PTPRD: variants seen among roughly 807,000 people sequenced by gnomAD.
PTPRD encodes receptor-type tyrosine-protein phosphatase delta.
In PTPRD, 34 loss-of-function variants were observed where a neutral mutation model predicts 214.5. The ratio of observed to expected loss-of-function variants is 0.16; its 90% confidence interval spans 0.12 to 0.21. The LOEUF (loss-of-function observed/expected upper bound fraction) is 0.21. PTPRD is among the 10% of genes least tolerant of loss of function. The probability of loss-of-function intolerance (pLI) is 1.00; values close to 1 mark genes in which losing one functional copy is unlikely to be tolerated. For synonymous variants in PTPRD, 1,128 were observed against 845.7 expected (o/e 1.33, Z -5.79); for missense variants, 2,545 against 2,398.7 (o/e 1.06, Z -1.27).
intron 3 of PTPRD, among the ~76,000 whole-genome samples, chr9:10,189,565 A>G (rs965522589): frequency 6.6e-6 from 1 of 152,160 alleles, no homozygotes; most frequent in Non-Finnish European, 1.5e-5. Context: ...CACTTTTAAA[A>G]GGAAGTGTGC....
intron 2 of PTPRD, among the ~76,000 whole-genome samples, chr9:10,496,621 T>A (rs564631538): frequency 4.9e-5 from 1 of 20,380 alleles, no homozygotes; most frequent in Admixed American, 5.4e-4. Context: ...ACATCTGTTC[T>A]TTTTTGACTT....
chr9:10,508,023 T>A (rs546917764), intron 2 of PTPRD, among the ~76,000 whole-genome samples: 5 of 151,810 alleles, frequency 3.3e-5, no homozygotes, highest in African/African-American at 9.7e-5. Context: ...ACCTACAGAA[T>A]GGGAGAAAAT....
At chr9:9,794,473 T>C (rs1598034348) in intron 5 of PTPRD, among the ~76,000 whole-genome samples, 1 of 151,774 alleles carries the variant, frequency 6.6e-6, no homozygotes, top group Non-Finnish European at 1.5e-5. Context: ...TGTATCAATG[T>C]GGCTAGAGCA....
chr9:9,707,556 A>AT, intron 7 of PTPRD, among the ~76,000 whole-genome samples: 1 of 152,242 alleles, frequency 6.6e-6, no homozygotes, highest in South Asian at 2.1e-4. Flanking sequence ...TTATTGTTTA[A>AT]TTTTACATTA....
chr9:9,715,634 A>C (rs1377680894), intron 7 of PTPRD, among the ~76,000 whole-genome samples: 1 of 152,192 alleles, frequency 6.6e-6, no homozygotes, highest in Non-Finnish European at 1.5e-5. Context: ...TAGAATCTAG[A>C]TAGAGATACT....
chr9:8,525,256 C>A (rs2073793612), intron 17 of PTPRD: 1 of 666,524 alleles, frequency 1.5e-6, no homozygotes, highest in Non-Finnish European at 2.7e-6. Flanking sequence ...CATTAGAAAT[C>A]AATATCTCTT....
intron 4 of PTPRD, among the ~76,000 whole-genome samples, chr9:9,965,722 T>A (rs117321491): frequency 6.6e-6 from 1 of 152,110 alleles, no homozygotes; most frequent in African/African-American, 2.4e-5. Flanking sequence ...GTTGGGTAAG[T>A]GTTGTAAGCC....
At chr9:9,152,236 C>T (rs1453300210) in intron 10 of PTPRD, among the ~76,000 whole-genome samples, 1 of 152,168 alleles carries the variant, frequency 6.6e-6, no homozygotes, top group African/African-American at 2.4e-5. Flanking sequence ...TGGCATTTTT[C>T]ATAGGCATCT....
At chr9:9,658,800 A>ACCC (rs2096569977) in intron 7 of PTPRD, among the ~76,000 whole-genome samples, 1 of 152,076 alleles carries the variant, frequency 6.6e-6, no homozygotes, top group African/African-American at 2.4e-5. Flanking sequence ...ACTGTGCTTT[A>ACCC]TAAGCATTAT....
intron 2 of PTPRD, among the ~76,000 whole-genome samples, chr9:10,373,330 C>T (rs2097667639): frequency 6.6e-6 from 1 of 151,996 alleles, no homozygotes; most frequent in Non-Finnish European, 1.5e-5. Flanking sequence ...TACTGAAAAC[C>T]TATTTATGTT....
In PTPRD at chr9:8,658,576, C is replaced by G. The variant is rs1337803; in HGVS notation, c.65-21732G>C. Reference sequence around the variant, plus strand: ...ATTTCCTCCAAGAGGACTAGATTCTCTCATACGTATCCTCAGAGATCCACA... The same window carrying G: ...ATTTCCTCCAAGAGGACTAGATTCTGTCATACGTATCCTCAGAGATCCACA... On this transcript the variant is annotated intron_variant, in intron 12 of 45. Transcript: ENST00000381196. Among the ~76,000 whole-genome samples, 20 of 151,634 alleles carry G rather than the reference C, an allele frequency of 1.3e-4. No individual in the cohort carries two copies. In the East Asian group the frequency reaches 3.9e-3, roughly 29 times the overall value.
chr9:8,788,564 T>C (rs916929408), intron 11 of PTPRD, among the ~76,000 whole-genome samples: 3 of 152,134 alleles, frequency 2.0e-5, no homozygotes, highest in African/African-American at 7.2e-5. Flanking sequence ...CATGAGCCAC[T>C]GCGCCCGGCC....
chr9:8,721,955 T>C (rs67646591), intron 12 of PTPRD, among the ~76,000 whole-genome samples: 15,825 of 152,260 alleles, frequency 0.1, 2,583 homozygotes, highest in African/African-American at 0.35. Context: ...TGGTTCTCAA[T>C]TGGGTGATTT....
intron 10 of PTPRD, among the ~76,000 whole-genome samples, chr9:9,126,139 G>A (rs1013838264): frequency 1.1e-4 from 17 of 152,146 alleles, no homozygotes; most frequent in African/African-American, 4.1e-4. Context: ...TATTTTAGGA[G>A]CAATGGAAAC....
At chr9:8,704,897 C>T (rs761720029) in intron 12 of PTPRD, among the ~76,000 whole-genome samples, 3 of 151,482 alleles carry the variant, frequency 2.0e-5, no homozygotes, top group Non-Finnish European at 2.9e-5. Flanking sequence ...CACTCTAGCC[C>T]GGGCGATAGA....
At chr9:8,942,954 GA>G (rs1238333989) in intron 11 of PTPRD, among the ~76,000 whole-genome samples, 1 of 152,016 alleles carries the variant, frequency 6.6e-6, no homozygotes, top group Non-Finnish European at 1.5e-5. Context: ...TTGCAGGATA[GA>G]AAATCAACAT....
chr9:9,376,850 T>C (rs1424477349), intron 9 of PTPRD, among the ~76,000 whole-genome samples: 1 of 152,068 alleles, frequency 6.6e-6, no homozygotes, highest in Non-Finnish European at 1.5e-5. Context: ...GTGGAAAATA[T>C]ATATCCTTTA....
intron 39 of PTPRD, among the ~76,000 whole-genome samples, chr9:8,349,491 C>G (rs570080458): frequency 8.1e-4 from 124 of 152,242 alleles, no homozygotes; most frequent in Non-Finnish European, 1.4e-3. Flanking sequence ...AAACTCAGCT[C>G]TCCATTGCAG....
At chr9:8,758,340 T>G (rs529739630) in intron 11 of PTPRD, among the ~76,000 whole-genome samples, 1 of 152,232 alleles carries the variant, frequency 6.6e-6, no homozygotes, top group East Asian at 1.9e-4. Flanking sequence ...TTACATACAA[T>G]AGATCCCTTA....
Sources: gnomAD v4.1 joint callset for allele counts (sites outside exome capture counted in the v4.1 genomes callset) on GRCh38, gnomAD v4.1.1 for gene constraint, MANE v1.5 for transcripts, NCBI Gene and HGNC (gene_info 2026-07-23, HGNC 2026-07-21) for gene names.